The following PLXDC2 variants were observed in gnomAD, a reference collection of about 807,000 sequenced individuals.
The protein encoded by PLXDC2 is plexin domain-containing protein 2.
A neutral mutation model predicts 68.9 loss-of-function variants in PLXDC2; 40 were observed. The ratio of observed to expected loss-of-function variants is 0.58; its 90% CI spans 0.45 to 0.76. The LOEUF is 0.76. Among genes scored for constraint, PLXDC2 ranks in the 30% least tolerant of loss-of-function variants. The pLI is 0.00. For missense variants in PLXDC2, 644 were observed against 661.9 expected (o/e 0.97, Z 0.30); for synonymous variants, 243 against 234.2 (o/e 1.04, Z -0.34).
chr10:20,050,694 TAA>T (rs952496901), intron 3 of PLXDC2, among the ~76,000 whole-genome samples: 1 of 147,378 alleles, frequency 6.8e-6, no homozygotes, highest in African/African-American at 2.5e-5. Context: ...TATTAAAAAG[TAA>T]AAAAAAAAAC....
chr10:20,113,157 A>G (rs1005233054), intron 4 of PLXDC2, among the ~76,000 whole-genome samples: 11 of 152,230 alleles, frequency 7.2e-5, no homozygotes, highest in Admixed American at 4.6e-4. Context: ...CAACGGCTTA[A>G]TGCAAAGACA....
intron 1 of PLXDC2, among the ~76,000 whole-genome samples, chr10:19,933,215 T>G (rs564924226): frequency 4.6e-5 from 7 of 152,352 alleles, no homozygotes; most frequent in African/African-American, 1.7e-4. Context: ...TTCCTCTTTT[T>G]CTTAAAGACA....
intron 4 of PLXDC2, among the ~76,000 whole-genome samples, chr10:20,091,548 T>C (rs1008778086): frequency 1.3e-5 from 2 of 152,220 alleles, no homozygotes; most frequent in Non-Finnish European, 2.9e-5. Flanking sequence ...AGATGAGGCA[T>C]GACCTTTCTG....
intron 1 of PLXDC2, among the ~76,000 whole-genome samples, chr10:19,950,691 C>T (rs1385045281): frequency 1.3e-5 from 2 of 152,092 alleles, no homozygotes; most frequent in Non-Finnish European, 2.9e-5. Flanking sequence ...CCCAAATAGC[C>T]AAAGCAACCC....
intron 1 of PLXDC2, among the ~76,000 whole-genome samples, chr10:19,973,487 A>G (rs1053096441): frequency 5.3e-5 from 8 of 150,244 alleles, no homozygotes; most frequent in African/African-American, 2.0e-4. Flanking sequence ...TTGTTCAAAG[A>G]TACTTTAGGC....
chr10:19,830,094 G>C (rs903922616), intron 1 of PLXDC2, among the ~76,000 whole-genome samples: 1 of 152,140 alleles, frequency 6.6e-6, no homozygotes, highest in African/African-American at 2.4e-5. Flanking sequence ...AATGATATAT[G>C]GGTAAACAAT....
chr10:20,230,020 A>G (rs1185337034), intron 12 of PLXDC2, among the ~76,000 whole-genome samples: 1 of 152,224 alleles, frequency 6.6e-6, no homozygotes, highest in African/African-American at 2.4e-5. Flanking sequence ...AAGACAAGAA[A>G]GAAGGAACAA....
At chr10:20,070,541 C>T (rs1836298897) in intron 4 of PLXDC2, among the ~76,000 whole-genome samples, 1 of 152,014 alleles carries the variant, frequency 6.6e-6, no homozygotes, top group Non-Finnish European at 1.5e-5. Context: ...CAGTATAGTG[C>T]CAGGCATTTA....
At chr10:20,266,805 GAAC>G (rs1011516150) in intron 13 of PLXDC2, among the ~76,000 whole-genome samples, 6 of 152,102 alleles carry the variant, frequency 3.9e-5, no homozygotes, top group African/African-American at 1.4e-4. Flanking sequence ...GCGCTCCAGA[GAAC>G]AACATTATCT....
chr10:20,288,231 C>A lies in PLXDC2; in HGVS notation c.*8412C>A, dbSNP rs567929181. The A allele has an allele frequency of 2.6e-5, 4 of 152,126 alleles. No individual in the cohort carries two copies. Among genetic ancestry groups the A allele is most frequent in the African/African-American group, 9.6e-5 (4 of 41,498 alleles). The allele number at this position is 152,126 out of a possible 1,614,324, so 9.4% of individuals were successfully genotyped here. Reference sequence around the variant, plus strand: ...TTCGTTTCTCACTGTTTTGGAAAGCCCTGTGTGCCAAACCAAGGACGTGTC... The same window carrying A: ...TTCGTTTCTCACTGTTTTGGAAAGCACTGTGTGCCAAACCAAGGACGTGTC... On this transcript the variant is annotated 3_prime_UTR_variant, in exon 14 of 14. Coordinates refer to ENST00000377252, the MANE Select transcript of PLXDC2 (RefSeq NM_032812.9).
Position 20,287,979 on chromosome 10 carries a change from C to CGGGGGGG in PLXDC2, c.*8165_*8166insGGGGGGG, listed in dbSNP as rs748974758. The CGGGGGGG allele has an allele frequency of 2.5e-3, 31 of 12,382 alleles. No individual in the cohort carries two copies. The highest frequency in any genetic ancestry group is 5.5e-3 in the Admixed American group (7 of 1,272). The allele number at this position is 12,382 out of a possible 1,614,324, so 0.8% of individuals were successfully genotyped here. ...AGAAGAAATTGGGCACTTCTTGCGG[C>CGGGGGGG]GGGGGAGGGGGGGGGGGCGGTGGCT... On this transcript the variant is annotated 3_prime_UTR_variant, in exon 14 of 14. Transcript: ENST00000377252.
chr10:20,241,944 G>A (rs1368132575), intron 12 of PLXDC2, among the ~76,000 whole-genome samples: 1 of 152,090 alleles, frequency 6.6e-6, no homozygotes, highest in Non-Finnish European at 1.5e-5. Context: ...ATAGATGGAT[G>A]CATGGATGGA....
At chr10:19,892,605 A>T (rs527488601) in intron 1 of PLXDC2, among the ~76,000 whole-genome samples, 2 of 152,204 alleles carry the variant, frequency 1.3e-5, no homozygotes, top group African/African-American at 4.8e-5. Flanking sequence ...GATAGTTCCT[A>T]TGAGTTCATA....
chr10:19,958,544 A>C (rs149698384), intron 1 of PLXDC2, among the ~76,000 whole-genome samples: 1 of 152,150 alleles, frequency 6.6e-6, no homozygotes, highest in African/African-American at 2.4e-5. Flanking sequence ...CTCTGTAACC[A>C]GATCTCCTCT....
At chr10:19,860,354 T>C (rs899896114) in intron 1 of PLXDC2, among the ~76,000 whole-genome samples, 1 of 152,190 alleles carries the variant, frequency 6.6e-6, no homozygotes, top group Non-Finnish European at 1.5e-5. Flanking sequence ...ACTAAGATTT[T>C]CCAGCAGCAA....
chr10:20,085,248 C>G (rs1564309955), intron 4 of PLXDC2, among the ~76,000 whole-genome samples: 1 of 151,828 alleles, frequency 6.6e-6, no homozygotes. Flanking sequence ...TAAACTGCAG[C>G]TGTGTTTCTC....
chr10:20,070,985 A>C (rs979153445), intron 4 of PLXDC2: 2 of 152,010 alleles, frequency 1.3e-5, no homozygotes, highest in African/African-American at 4.8e-5. Flanking sequence ...AAAAAAAAAA[A>C]ACCTAGCATC....
intron 3 of PLXDC2, among the ~76,000 whole-genome samples, chr10:20,062,415 T>G (rs542099152): frequency 2.0e-4 from 31 of 152,058 alleles, no homozygotes; most frequent in African/African-American, 7.5e-4. Context: ...AGAGCGAGAC[T>G]CCATCTCAAT....
intron 1 of PLXDC2, among the ~76,000 whole-genome samples, chr10:19,891,694 A>G (rs1408394909): frequency 1.3e-5 from 2 of 152,192 alleles, no homozygotes; most frequent in Non-Finnish European, 2.9e-5. Context: ...TTATAAAGCT[A>G]GGCATGATTG....
Sources: gnomAD v4.1 joint callset for allele counts (sites outside exome capture counted in the v4.1 genomes callset) on GRCh38, gnomAD v4.1.1 for gene constraint, MANE v1.5 for transcripts, NCBI Gene and HGNC (gene_info 2026-07-23, HGNC 2026-07-21) for gene names.